CCDC170: variants seen among roughly 807,000 people sequenced by gnomAD.
The protein encoded by CCDC170 is coiled-coil domain containing 170.
Under a neutral mutation model 72.6 loss-of-function variants are expected in CCDC170, and 69 were observed. That is an observed-to-expected ratio of 0.95 (90% CI 0.78 to 1.16). CCDC170 has a LOEUF of 1.16. CCDC170 is among the 50% of genes most tolerant of loss of function. The pLI, the probability that CCDC170 is intolerant of heterozygous loss-of-function variation, is 0.00. For missense variants in CCDC170, 852 were observed against 832.5 expected (o/e 1.02, Z -0.29); for synonymous variants, 300 against 303.9 (o/e 0.99, Z 0.13).
chr6:151,528,586 C>T (rs1482719072), intron 1 of CCDC170, among the ~76,000 whole-genome samples: 1 of 152,128 alleles, frequency 6.6e-6, no homozygotes, highest in Admixed American at 6.5e-5. Flanking sequence ...TGGCTCATGC[C>T]TGTAATCCCA....
chr6:151,567,500 G>A (rs183208769), intron 5 of CCDC170, among the ~76,000 whole-genome samples: 1 of 152,212 alleles, frequency 6.6e-6, no homozygotes, highest in Admixed American at 6.5e-5. Flanking sequence ...CCAAAGTGCT[G>A]GAATTACAGG....
At chr6:151,515,588 C>T (rs1017603969) in intron 1 of CCDC170, among the ~76,000 whole-genome samples, 1 of 152,152 alleles carries the variant, frequency 6.6e-6, no homozygotes, top group South Asian at 2.1e-4. Context: ...GGTGGGAAGC[C>T]CAGGTTCTTG....
At chr6:151,615,843 G>T (rs556637686) in intron 10 of CCDC170, 164 bp downstream of exon 10, 1 of 617,444 alleles carries the variant, frequency 1.6e-6, no homozygotes, top group East Asian at 2.8e-5. Flanking sequence ...TCTCTGTATC[G>T]TTCCAATGTT....
chr6:151,526,318 T>C (rs1234866965), intron 1 of CCDC170, among the ~76,000 whole-genome samples: 1 of 151,120 alleles, frequency 6.6e-6, no homozygotes. Flanking sequence ...ACCTCCTAGG[T>C]TCAAGTCATT....
chr6:151,607,317 A>T (rs931950528), intron 9 of CCDC170, among the ~76,000 whole-genome samples: 1 of 152,076 alleles, frequency 6.6e-6, no homozygotes, highest in African/African-American at 2.4e-5. Flanking sequence ...TACTCCTTTC[A>T]TTTTGGTAAT....
At chr6:151,543,049 G>A (rs1056508205) in intron 3 of CCDC170, among the ~76,000 whole-genome samples, 2 of 151,762 alleles carry the variant, frequency 1.3e-5, no homozygotes, top group African/African-American at 4.8e-5. Flanking sequence ...CACTCAACAT[G>A]GTAAAAAGGA....
At chr6:151,579,844 G>A (rs1257582826) in intron 6 of CCDC170, among the ~76,000 whole-genome samples, 2 of 152,160 alleles carry the variant, frequency 1.3e-5, no homozygotes, top group African/African-American at 4.8e-5. Flanking sequence ...ACTTCAATAT[G>A]GTGTGAAATA....
chr6:151,615,125 T>G (rs573791817), intron 9 of CCDC170, among the ~76,000 whole-genome samples: 1 of 152,340 alleles, frequency 6.6e-6, no homozygotes, highest in African/African-American at 2.4e-5. Flanking sequence ...CTTTTGCTTA[T>G]GGACCTCATA....
chr6:151,581,443 C>CA (rs961823356), intron 6 of CCDC170, among the ~76,000 whole-genome samples: 3 of 152,192 alleles, frequency 2.0e-5, no homozygotes. Flanking sequence ...GAGGTTACAG[C>CA]AATTCAGTCA....
intron 7 of CCDC170, among the ~76,000 whole-genome samples, chr6:151,587,694 G>A (rs1776474920): frequency 6.6e-6 from 1 of 152,214 alleles, no homozygotes; most frequent in Admixed American, 6.5e-5. Context: ...AGATGAGACA[G>A]GGAGATCGGG....
At chr6:151,509,994 G>A (rs188685402) in intron 1 of CCDC170, among the ~76,000 whole-genome samples, 33 of 152,186 alleles carry the variant, frequency 2.2e-4, no homozygotes, top group Admixed American at 7.2e-4. Context: ...ATGGTGGTGC[G>A]CGCCTGTAAT....
chr6:151,502,432 C>T (rs553750084), intron 1 of CCDC170, among the ~76,000 whole-genome samples: 13 of 152,278 alleles, frequency 8.5e-5, no homozygotes, highest in Non-Finnish European at 1.9e-4. Context: ...CTGAATTTCC[C>T]TTATGCTTTT....
intron 1 of CCDC170, among the ~76,000 whole-genome samples, chr6:151,511,121 G>A (rs1416568602): frequency 6.6e-6 from 1 of 152,182 alleles, no homozygotes; most frequent in East Asian, 1.9e-4. Context: ...TGCCTCTCCA[G>A]TGTATCTTGG....
rs1386490966 is a variant in CCDC170, at chr6:151,602,110, A to AG, written c.1710+5535dup. On this transcript the variant is annotated intron_variant, in intron 9 of 10. Coordinates refer to ENST00000239374, the MANE Select transcript of CCDC170 (RefSeq NM_025059.4). The stretch of plus-strand genomic sequence containing the variant: ...ACCATGATTGAAGACCTTGATGCCT[A>AG]GGTTATATAAATCTTCTGTTTTAAG... Among the ~76,000 whole-genome samples, 5 of 152,308 alleles carry AG rather than the reference A, an allele frequency of 3.3e-5. No individual in the cohort carries two copies. The East Asian group carries it at 9.7e-4, about 29-fold the overall frequency.
At chr6:151,575,281 A>G (rs936582816) in intron 6 of CCDC170, among the ~76,000 whole-genome samples, 1 of 151,872 alleles carries the variant, frequency 6.6e-6, no homozygotes, top group Non-Finnish European at 1.5e-5. Flanking sequence ...AAAAACTCAG[A>G]AGAATCACTA....
chr6:151,528,434 C>T (rs1389047549), intron 1 of CCDC170, among the ~76,000 whole-genome samples: 1 of 152,176 alleles, frequency 6.6e-6, no homozygotes, highest in Admixed American at 6.5e-5. Flanking sequence ...TCACCTTCTT[C>T]ATAAAGACAC....
intron 1 of CCDC170, among the ~76,000 whole-genome samples, chr6:151,504,961 G>T (rs1313117637): frequency 2.0e-5 from 3 of 152,094 alleles, no homozygotes; most frequent in Non-Finnish European, 2.9e-5. Flanking sequence ...TGGGAAAAAG[G>T]AGAGACGCTC....
intron 5 of CCDC170, among the ~76,000 whole-genome samples, chr6:151,561,233 A>G (rs1219365005): frequency 2.0e-5 from 3 of 152,172 alleles, no homozygotes; most frequent in African/African-American, 7.2e-5. Flanking sequence ...ATACTCTTTT[A>G]GTTATTTAAA....
chr6:151,534,544 C>G (rs1782546004), intron 1 of CCDC170, among the ~76,000 whole-genome samples: 1 of 152,040 alleles, frequency 6.6e-6, no homozygotes, highest in African/African-American at 2.4e-5. Flanking sequence ...GTGTGGTGGT[C>G]AGGGTGGAGA....
Sources: gnomAD v4.1 joint callset for allele counts (sites outside exome capture counted in the v4.1 genomes callset) on GRCh38, gnomAD v4.1.1 for gene constraint, MANE v1.5 for transcripts, NCBI Gene and HGNC (gene_info 2026-07-23, HGNC 2026-07-21) for gene names.